Variants in MACROD2 observed in about 807,000 individuals in gnomAD.
The protein encoded by MACROD2 is mono-ADP ribosylhydrolase 2.
In MACROD2, 36 loss-of-function variants were observed where a neutral mutation model predicts 70.4. That is an observed-to-expected ratio of 0.51 (90% CI 0.39 to 0.68). MACROD2 has a LOEUF of 0.68. MACROD2 is among the 30% of genes least tolerant of loss of function. The pLI is 0.00. For synonymous variants in MACROD2, 172 were observed against 178.8 expected, an observed-to-expected ratio of 0.96 and a Z score of 0.30; for missense variants, 496 against 538.4, an observed-to-expected ratio of 0.92 and a Z score of 0.78.
intron 5 of MACROD2, among the ~76,000 whole-genome samples, chr20:15,134,206 T>C (rs959087093): frequency 7.0e-6 from 1 of 143,618 alleles, no homozygotes; most frequent in African/African-American, 2.5e-5. Flanking sequence ...TGCCCGGCTC[T>C]TTTAAATAAT....
At chr20:14,826,991 T>C (rs2072909443) in intron 5 of MACROD2, among the ~76,000 whole-genome samples, 1 of 152,084 alleles carries the variant, frequency 6.6e-6, no homozygotes, top group Admixed American at 6.6e-5. Flanking sequence ...GATAAAATAG[T>C]ATGAGAGCTC....
chr20:15,142,212 A>G (rs1186775661), intron 5 of MACROD2, among the ~76,000 whole-genome samples: 2 of 152,196 alleles, frequency 1.3e-5, no homozygotes, highest in Non-Finnish European at 2.9e-5. Context: ...CTAAGACTCA[A>G]TAAATACATG....
Position 15,224,507 on chromosome 20 carries a change from T to G in MACROD2, c.419-5433T>G, listed in dbSNP as rs2076888370. Among the ~76,000 whole-genome samples, 4 of 152,240 alleles carry G rather than the reference T, an allele frequency of 2.6e-5. No homozygotes were observed. In the South Asian group the frequency reaches 8.3e-4, roughly 31 times the overall value. On this transcript the variant is annotated intron_variant, in intron 5 of 17. Coordinates refer to ENST00000684519, the MANE Select transcript of MACROD2 (RefSeq NM_001351661.2). Reference sequence around the variant, plus strand: ...ATCTCTGACTTTGGGCACATTATTCTGTCTCTCTGGGTTGCTTGAAAAGTA... The same window carrying G: ...ATCTCTGACTTTGGGCACATTATTCGGTCTCTCTGGGTTGCTTGAAAAGTA...
intron 12 of MACROD2, among the ~76,000 whole-genome samples, chr20:15,940,201 C>G (rs2065731025): frequency 6.6e-6 from 1 of 151,760 alleles, no homozygotes; most frequent in Non-Finnish European, 1.5e-5. Flanking sequence ...GTAAGCAATT[C>G]TGTCTCAGCC....
intron 5 of MACROD2, among the ~76,000 whole-genome samples, chr20:14,917,554 C>T (rs1209240684): frequency 4.6e-5 from 7 of 151,942 alleles, no homozygotes; most frequent in Admixed American, 1.3e-4. Flanking sequence ...GGAAGCTCAC[C>T]GGGAAGCCTA....
At chr20:14,649,903 G>A (rs1985592983) in intron 4 of MACROD2, among the ~76,000 whole-genome samples, 1 of 152,080 alleles carries the variant, frequency 6.6e-6, no homozygotes, top group Non-Finnish European at 1.5e-5. Flanking sequence ...AATATTCTCA[G>A]TTCTTGACTC....
At chr20:15,714,796 T>C (rs1357312956) in intron 8 of MACROD2, among the ~76,000 whole-genome samples, 1 of 151,952 alleles carries the variant, frequency 6.6e-6, no homozygotes, top group African/African-American at 2.4e-5. Context: ...TTTTTATTCC[T>C]ACTAATAAAT....
At chr20:14,386,551 A>G (rs1214166449) in intron 3 of MACROD2, among the ~76,000 whole-genome samples, 1 of 152,208 alleles carries the variant, frequency 6.6e-6, no homozygotes, top group African/African-American at 2.4e-5. Context: ...CTCTGAATTC[A>G]TAGGACATCT....
chr20:15,879,172 T>C (rs903846134), intron 9 of MACROD2, among the ~76,000 whole-genome samples: 5 of 152,120 alleles, frequency 3.3e-5, no homozygotes, highest in African/African-American at 1.2e-4. Context: ...ATCACTTTGG[T>C]AGAAACCTTT....
intron 3 of MACROD2, among the ~76,000 whole-genome samples, chr20:14,442,269 CAAAA>C (rs754668533): frequency 9.2e-5 from 14 of 151,802 alleles, no homozygotes; most frequent in Middle Eastern, 3.4e-3. Flanking sequence ...GACTCCATGT[CAAAA>C]CAAACAAACA....
intron 12 of MACROD2, 99 bp downstream of exon 12, chr20:15,937,643 T>C: frequency 9.3e-7 from 1 of 1,071,544 alleles, no homozygotes; most frequent in Non-Finnish European, 1.4e-6. Context: ...CAAATATAAC[T>C]AGGTTTTCTT....
At chr20:14,758,505 T>C (rs944210399) in intron 5 of MACROD2, among the ~76,000 whole-genome samples, 2 of 152,146 alleles carry the variant, frequency 1.3e-5, no homozygotes, top group Non-Finnish European at 2.9e-5. Flanking sequence ...TGGACTGGGA[T>C]TGAATATTTA....
intron 3 of MACROD2, among the ~76,000 whole-genome samples, chr20:14,179,855 A>G (rs2081292486): frequency 6.6e-6 from 1 of 152,220 alleles, no homozygotes; most frequent in Non-Finnish European, 1.5e-5. Flanking sequence ...TGCTCAGACT[A>G]GATAGTGTGT....
chr20:14,435,545 A>G (rs2122941418), intron 3 of MACROD2, among the ~76,000 whole-genome samples: 1 of 152,274 alleles, frequency 6.6e-6, no homozygotes, highest in South Asian at 2.1e-4. Context: ...TAATTTTTTA[A>G]TTCAACAGAT....
chr20:15,170,786 G>A (rs1026049343), intron 5 of MACROD2, among the ~76,000 whole-genome samples: 1 of 152,218 alleles, frequency 6.6e-6, no homozygotes, highest in African/African-American at 2.4e-5. Context: ...AAACTTTAGG[G>A]TTAGCAAAGG....
chr20:14,957,944 T>G (rs1015973792), intron 5 of MACROD2, among the ~76,000 whole-genome samples: 14 of 152,148 alleles, frequency 9.2e-5, no homozygotes, highest in African/African-American at 3.4e-4. Context: ...ATCCTTTGCT[T>G]TTCTCTGACC....
At chr20:14,134,736 C>A (rs7261084) in intron 3 of MACROD2, among the ~76,000 whole-genome samples, 1 of 131,428 alleles carries the variant, frequency 7.6e-6, no homozygotes, top group African/African-American at 2.8e-5. Flanking sequence ...ACCAGGAAGT[C>A]GGAAGTTGCA....
intron 2 of MACROD2, among the ~76,000 whole-genome samples, chr20:14,019,181 A>G (rs1400500230): frequency 6.6e-6 from 1 of 152,212 alleles, no homozygotes; most frequent in African/African-American, 2.4e-5. Flanking sequence ...GGGAATTGCA[A>G]TAGAGACAGA....
chr20:15,513,708 G>C (rs1305719347), intron 8 of MACROD2, among the ~76,000 whole-genome samples: 2 of 152,162 alleles, frequency 1.3e-5, no homozygotes, highest in Non-Finnish European at 2.9e-5. Flanking sequence ...GTGGCATCTT[G>C]CTTCATTACC....
Sources: gnomAD v4.1 joint callset for allele counts (sites outside exome capture counted in the v4.1 genomes callset) on GRCh38, gnomAD v4.1.1 for gene constraint, MANE v1.5 for transcripts, NCBI Gene and HGNC (gene_info 2026-07-23, HGNC 2026-07-21) for gene names.